CNTN3: variants seen among roughly 807,000 people sequenced by gnomAD.
CNTN3 encodes the protein contactin 3, also known as contactin-3.
In CNTN3, 60 loss-of-function variants were observed where a neutral mutation model predicts 119.1. The ratio of observed to expected loss-of-function variants is 0.50; its 90% CI spans 0.41 to 0.62. The LOEUF (loss-of-function observed/expected upper bound fraction) is 0.62. Ranked by LOEUF, CNTN3 falls within the 20% of genes least tolerant of loss-of-function variation. The pLI, the probability that CNTN3 is intolerant of heterozygous loss-of-function variation, is 0.00. For synonymous variants in CNTN3, 450 were observed against 438.7 expected, an observed-to-expected ratio of 1.03 and a Z score of -0.32; for missense variants, 1,101 against 1,242.4, an observed-to-expected ratio of 0.89 and a Z score of 1.71.
chr3:74,560,099 G>T (rs75681859), intron 1 of CNTN3, among the ~76,000 whole-genome samples: 1 of 152,142 alleles, frequency 6.6e-6, no homozygotes, highest in African/African-American at 2.4e-5. Flanking sequence ...CTCAGGCTGT[G>T]AAACGAGATA....
rs147795724 is a variant in CNTN3 at position 74,431,501 on chromosome 3, A to G, written c.359-6561T>C. Among the ~76,000 whole-genome samples, 876 of 152,332 alleles carry G rather than the reference A, an allele frequency of 5.8e-3. 17 individuals carry two copies. Among genetic ancestry groups the G allele is most frequent in the African/African-American group, 0.02 (836 of 41,570 alleles). ...GTAAACTTGTGTCAAGCCAAGTTAA[A>G]TGAGTTTCTTTTTGCAGAATAAGTC... On this transcript the variant is annotated intron_variant, in intron 4 of 22. Transcript: ENST00000263665.
chr3:74,383,625 A>T (rs1177617716), intron 5 of CNTN3, among the ~76,000 whole-genome samples: 2 of 152,122 alleles, frequency 1.3e-5, no homozygotes, highest in East Asian at 3.9e-4. Context: ...AGCTGGGACC[A>T]CAGTGCATGC....
chr3:74,373,123 T>G lies in CNTN3; in HGVS notation c.455-1724A>C, dbSNP rs147659490. ...GTCAGTCATGTGATAAGTTGTGAGCTCTAAAGTCACTTATCGGGTTGTATG... is the reference window on the plus strand; with the variant it reads ...GTCAGTCATGTGATAAGTTGTGAGCGCTAAAGTCACTTATCGGGTTGTATG... On this transcript the variant is annotated intron_variant, in intron 5 of 22. Coordinates refer to ENST00000263665, the MANE Select transcript of CNTN3 (RefSeq NM_020872.3). 4.2e-3 allele frequency among the ~76,000 whole-genome samples: 634 copies of G among 152,334 alleles called. 5 individuals carry two copies. Among genetic ancestry groups the G allele is most frequent in the African/African-American group, 0.014 (583 of 41,586 alleles).
chr3:74,546,354 T>A (rs559024584), intron 1 of CNTN3, among the ~76,000 whole-genome samples: 4 of 152,252 alleles, frequency 2.6e-5, no homozygotes, highest in African/African-American at 9.6e-5. Context: ...TCAACTTGAT[T>A]GGATTGAATG....
chr3:74,450,704 T>C (rs1702136033), intron 4 of CNTN3, among the ~76,000 whole-genome samples: 1 of 124,000 alleles, frequency 8.1e-6, no homozygotes, highest in Non-Finnish European at 1.6e-5. Flanking sequence ...GATGTTCCCC[T>C]TCCTGTGTCC....
chr3:74,542,017 G>A (rs910900257), intron 1 of CNTN3, among the ~76,000 whole-genome samples: 1 of 152,080 alleles, frequency 6.6e-6, no homozygotes, highest in African/African-American at 2.4e-5. Context: ...AGGATTGCTT[G>A]TGGCCAGGAG....
Position 74,300,723 on chromosome 3 carries a change from C to T in CNTN3, c.2095+675G>A, listed in dbSNP as rs116091027. On this transcript the variant is annotated intron_variant, in intron 16 of 22. Coordinates refer to ENST00000263665, the MANE Select transcript of CNTN3 (RefSeq NM_020872.3). The stretch of plus-strand genomic sequence containing the variant: ...CTGAGTTCCTAAAGTGATACACCAG[C>T]TCTATTTCAAACTTCATTTTAGTTA... 6.0e-3 allele frequency among the ~76,000 whole-genome samples: 918 copies of T among 152,288 alleles called. 10 individuals carry two copies. Among genetic ancestry groups the T allele is most frequent in the African/African-American group, 0.021 (879 of 41,544 alleles).
chr3:74,298,340 A>G (rs1702383638), intron 17 of CNTN3, 149 bp from the exon 18 acceptor site: 3 of 477,848 alleles, frequency 6.3e-6, no homozygotes, highest in Admixed American at 7.9e-5. Flanking sequence ...GGAGAAAAAC[A>G]TCAGCAGGAG....
intron 1 of CNTN3, among the ~76,000 whole-genome samples, chr3:74,584,991 T>C (rs556808501): frequency 6.6e-6 from 1 of 151,782 alleles, no homozygotes; most frequent in Non-Finnish European, 1.5e-5. Context: ...TTACACAGGA[T>C]CCAAAGTCCA....
At chr3:74,450,575 A>C (rs1241517439) in intron 4 of CNTN3, among the ~76,000 whole-genome samples, 1 of 148,260 alleles carries the variant, frequency 6.7e-6, no homozygotes, top group Non-Finnish European at 1.5e-5. Flanking sequence ...GGTTAGTTAC[A>C]TATGTATACA....
At chr3:74,297,522 G>A (rs905218891) in intron 18 of CNTN3, among the ~76,000 whole-genome samples, 4 of 152,148 alleles carry the variant, frequency 2.6e-5, no homozygotes, top group Admixed American at 2.6e-4. Context: ...CAAGGGAAAA[G>A]GAGCAGATAG....
chr3:74,499,703 T>C lies in CNTN3; in HGVS notation c.138A>G (p.Ile46Met). The change falls in exon 3 of 23, where the codon ATA (isoleucine) becomes ATG (methionine). Residue 46 changes from isoleucine to methionine, a missense_variant. Ile to Met is a conservative substitution (Grantham distance 10, BLOSUM62 1). Transcript: ENST00000263665. ...IFPVGSEDKK[I>M]TLHCEARGNP... The stretch of plus-strand genomic sequence containing the variant: ...TGCCTCTTGCTTCACAATGCAAAGT[T>C]ATTTTTTTATCTTCTGAACCAACAG... 1 of 1,611,828 alleles carries C rather than the reference T, an allele frequency of 6.2e-7. No individual in the cohort carries two copies. The highest frequency in any genetic ancestry group is 1.3e-5 in the African/African-American group (1 of 74,896).
intron 5 of CNTN3, among the ~76,000 whole-genome samples, chr3:74,382,035 C>T (rs554182378): frequency 6.6e-6 from 1 of 152,072 alleles, no homozygotes; most frequent in African/African-American, 2.4e-5. Flanking sequence ...ATGGAGAAAC[C>T]ACGTTTCTAC....
intron 1 of CNTN3, among the ~76,000 whole-genome samples, chr3:74,544,443 A>C (rs1047355483): frequency 1.3e-5 from 2 of 152,170 alleles, no homozygotes; most frequent in Non-Finnish European, 2.9e-5. Context: ...TGATGTACAG[A>C]TATCTTCAGC....
rs1365677352 is a variant in CNTN3, at chr3:74,404,222, T to G, written c.454+20623A>C. On this transcript the variant is annotated intron_variant, in intron 5 of 22. Coordinates refer to ENST00000263665, the MANE Select transcript of CNTN3 (RefSeq NM_020872.3). ...TATCTTTATGAGGAGTTCTTTATTC[T>G]GTGGAGCAAGTGCCAAGAGATCAGG... Among the ~76,000 whole-genome samples the G allele has an allele frequency of 3.3e-5, 5 of 152,162 alleles. No homozygotes were observed. In the East Asian group the frequency reaches 9.6e-4, roughly 29 times the overall value.
At chr3:74,450,311 T>C (rs1002927388) in intron 4 of CNTN3, among the ~76,000 whole-genome samples, 1 of 152,070 alleles carries the variant, frequency 6.6e-6, no homozygotes, top group African/African-American at 2.4e-5. Flanking sequence ...TCAGAAATAC[T>C]AAGAAAAATC....
At chr3:74,431,597 A>G (rs1701783834) in intron 4 of CNTN3, among the ~76,000 whole-genome samples, 1 of 152,236 alleles carries the variant, frequency 6.6e-6, no homozygotes, top group East Asian at 1.9e-4. Flanking sequence ...AGTATTCTAA[A>G]TGTATTTGAC....
At chr3:74,531,806 A>C (rs2107136174) in intron 1 of CNTN3, among the ~76,000 whole-genome samples, 1 of 152,068 alleles carries the variant, frequency 6.6e-6, no homozygotes, top group East Asian at 2.0e-4. Flanking sequence ...TCAAACAGAT[A>C]GATGTCCTGG....
At chr3:74,500,236 C>T in intron 2 of CNTN3, among the ~76,000 whole-genome samples, 1 of 151,894 alleles carries the variant, frequency 6.6e-6, no homozygotes, top group South Asian at 2.1e-4. Flanking sequence ...GGAATAAAAA[C>T]ACTCAATATT....
Sources: allele counts gnomAD v4.1 joint callset (sites outside exome capture counted in the v4.1 genomes callset), GRCh38; gene constraint gnomAD v4.1.1; transcripts MANE v1.5; gene names NCBI Gene and HGNC (gene_info 2026-07-23, HGNC 2026-07-21).